The following NGFR variants were observed in gnomAD, a reference collection of about 807,000 sequenced individuals.
NGFR encodes tumor necrosis factor receptor superfamily member 16.
A neutral mutation model predicts 43.2 loss-of-function variants in NGFR; 30 were observed. The ratio of observed to expected loss-of-function variants is 0.69; its 90% CI spans 0.52 to 0.94. NGFR has a LOEUF of 0.94. Ranked by LOEUF, NGFR falls within the 40% of genes least tolerant of loss-of-function variation. NGFR has a pLI of 0.00. For synonymous variants in NGFR, 246 were observed against 259.6 expected, an observed-to-expected ratio of 0.95 and a Z score of 0.50; for missense variants, 529 against 602.5, an observed-to-expected ratio of 0.88 and a Z score of 1.28.
intron 3 of NGFR, among the ~76,000 whole-genome samples, chr17:49,509,282 C>G (rs1345675227): frequency 1.3e-5 from 2 of 152,136 alleles, no homozygotes; most frequent in Non-Finnish European, 2.9e-5. Flanking sequence ...CTTGGGTGGG[C>G]AAAGTGGGGG....
chr17:49,505,374 A>G (rs2071190685), intron 2 of NGFR, among the ~76,000 whole-genome samples: 1 of 151,940 alleles, frequency 6.6e-6, no homozygotes. Flanking sequence ...AGAGTTCCCC[A>G]CCCAAAGCTG....
In NGFR at chr17:49,506,634, C is replaced by G; in HGVS notation, c.544C>G (p.Arg182Gly). 1 of 1,380,322 alleles carries G rather than the reference C, an allele frequency of 7.2e-7. No individual in the cohort carries two copies. The highest frequency in any genetic ancestry group is 9.6e-7 in the Non-Finnish European group (1 of 1,038,380). The allele number at this position is 1,380,322 out of a possible 1,614,324, so 85.5% of individuals were successfully genotyped here. A position where few individuals can be genotyped will look rare whatever the true frequency, so the allele number is the denominator to read the frequency against. The change falls in exon 3 of 6, where the codon CGC (arginine) becomes GGC (glycine). Residue 182 changes from arginine (R) to glycine (G), a missense_variant. Transcript: ENST00000172229. Reference protein sequence around the residue: ...DTERQLRECTRWADAECEEIP... With the variant: ...DTERQLRECTGWADAECEEIP... Reference sequence around the variant, plus strand: ...CGAGCGCCAGCTCCGCGAGTGCACACGCTGGGCCGACGCCGAGTGCGAGGG... The same window carrying G: ...CGAGCGCCAGCTCCGCGAGTGCACAGGCTGGGCCGACGCCGAGTGCGAGGG...
intron 4 of NGFR, chr17:49,510,873 C>A (rs2071227760): frequency 1.7e-6 from 1 of 600,200 alleles, no homozygotes; most frequent in Non-Finnish European, 2.9e-6. Flanking sequence ...CTGTCCTCTC[C>A]TGCCCTGTCC....
In NGFR at chr17:49,510,567, G is replaced by A. The variant is rs777677789; in HGVS notation, c.724G>A (p.Val242Met). The stretch of plus-strand genomic sequence containing the variant: ...CACAGTGATGGGCAGCTCCCAGCCC[G>A]TGGTGACCCGAGGCACCACCGACAA... ...VTTVMGSSQP[V>M]VTRGTTDNLI... The change falls in exon 4 of 6, where the codon GTG becomes ATG. Residue 242 changes from valine to methionine, a missense_variant. By Grantham distance (21) the Val-to-Met change is conservative. Transcript: ENST00000172229. The A allele has an allele frequency of 5.6e-6, 9 of 1,613,996 alleles. No individual in the cohort carries two copies. Among genetic ancestry groups the A allele is most frequent in the South Asian group, 1.1e-5 (1 of 91,070 alleles).
chr17:49,502,871 T>TTCCTTCCTTCCTTC (rs1491582362), intron 2 of NGFR, among the ~76,000 whole-genome samples: 1 of 75,074 alleles, frequency 1.3e-5, no homozygotes, highest in Non-Finnish European at 3.0e-5. Context: ...TTCCTTCCTT[T>TTCCTTCCTTCCTTC]CTCTCTCTCT....
chr17:49,498,161 T>A (rs1256387621), intron 1 of NGFR, among the ~76,000 whole-genome samples: 1 of 152,086 alleles, frequency 6.6e-6, no homozygotes, highest in Non-Finnish European at 1.5e-5. Flanking sequence ...ATGCTTGGCC[T>A]GGGATGTTCT....
rs965949606 is a variant in NGFR at position 49,495,580 on chromosome 17, G to A, written c.66+97G>A. ...CCAAGGAAACAGAACAGAGCATTGGGGTCCCAGATACTGAGGGTGGGTGGT... is the reference window on the plus strand; with the variant it reads ...CCAAGGAAACAGAACAGAGCATTGGAGTCCCAGATACTGAGGGTGGGTGGT... On this transcript the variant is annotated intron_variant, in intron 1 of 5. Transcript: ENST00000172229. The surrounding 1 kb of genome is among the most constrained non-coding windows in gnomAD (Gnocchi z 6.4). 3.9e-6 allele frequency: 4 copies of A among 1,027,778 alleles called. No individual in the cohort carries two copies. Among genetic ancestry groups the A allele is most frequent in the Middle Eastern group, 2.2e-4 (1 of 4,514 alleles). The allele number at this position is 1,027,778 out of a possible 1,614,324, so 63.7% of individuals were successfully genotyped here. A position where few individuals can be genotyped will look rare whatever the true frequency, so the allele number is the denominator to read the frequency against.
At chr17:49,499,603 T>G (rs1452540267) in intron 1 of NGFR, among the ~76,000 whole-genome samples, 2 of 152,148 alleles carry the variant, frequency 1.3e-5, no homozygotes, top group Non-Finnish European at 2.9e-5. Context: ...ATTTATTTAT[T>G]TTGAGACGGA....
chr17:49,508,756 C>G (rs1043281606), intron 3 of NGFR, among the ~76,000 whole-genome samples: 8 of 152,204 alleles, frequency 5.3e-5, no homozygotes, highest in African/African-American at 1.4e-4. Context: ...CATCCCCCCG[C>G]CCCCGTCAGA....
chr17:49,510,496 C>T lies in NGFR; in HGVS notation c.653C>T (p.Pro218Leu). ...TAPSTQEPEA[P>L]PEQDLIASTV... is the part of the protein sequence containing the mutation. ...CCCAGCACCCAGGAGCCTGAGGCAC[C>T]TCCAGAACAAGACCTCATAGCCAGC... The change falls in exon 4 of 6, where the codon CCT (proline) becomes CTT (leucine). Residue 218 changes from proline to leucine, a missense_variant. Pro to Leu is a moderately conservative substitution (Grantham distance 98). Coordinates refer to ENST00000172229, the MANE Select transcript of NGFR (RefSeq NM_002507.4). 2 of 1,614,144 alleles carry T rather than the reference C, an allele frequency of 1.2e-6. No individual in the cohort carries two copies. Among genetic ancestry groups the T allele is most frequent in the Non-Finnish European group, 1.7e-6 (2 of 1,180,018 alleles).
intron 1 of NGFR, among the ~76,000 whole-genome samples, chr17:49,498,192 T>C (rs954816390): frequency 6.6e-6 from 1 of 151,970 alleles, no homozygotes; most frequent in Non-Finnish European, 1.5e-5. Flanking sequence ...TATGCCAGGC[T>C]CCCTCCCGCC....
At chr17:49,503,035 C>T (rs1037147194) in intron 2 of NGFR, among the ~76,000 whole-genome samples, 3 of 152,152 alleles carry the variant, frequency 2.0e-5, no homozygotes, top group Non-Finnish European at 2.9e-5. Flanking sequence ...CATGCCTCAG[C>T]CTCCTGAGTA....
intron 2 of NGFR, among the ~76,000 whole-genome samples, chr17:49,503,292 C>T (rs2071178171): frequency 6.6e-6 from 1 of 152,186 alleles, no homozygotes; most frequent in African/African-American, 2.4e-5. Context: ...CCCTTGGCCC[C>T]AGTCTTGTCC....
In NGFR at chr17:49,514,434, T is replaced by C. The variant is rs1194169039; in HGVS notation, c.*1425T>C. 1.3e-5 allele frequency: 2 copies of C among 152,402 alleles called. No homozygotes were observed. Among genetic ancestry groups the C allele is most frequent in the African/African-American group, 4.8e-5 (2 of 41,584 alleles). The allele number at this position is 152,402 out of a possible 1,614,324, so 9.4% of individuals were successfully genotyped here. ...TCTAGACAACCCTGCAAAGGACTGT[T>C]TTTTCCTGAGCTTGGCCAGAAGGGG... On this transcript the variant is annotated 3_prime_UTR_variant, in exon 6 of 6. Coordinates refer to ENST00000172229, the MANE Select transcript of NGFR (RefSeq NM_002507.4).
At position 49,495,316 on chromosome 17, in the gene NGFR, C is replaced by A; in HGVS notation, c.-102C>A. ...CCAGAGCGAGCCGAGCCGCGGCCAG[C>A]TCCGGCGGGCAGGGGGGGCGCTGGA... On this transcript the variant is annotated 5_prime_UTR_variant, in exon 1 of 6. Transcript: ENST00000172229. This position sits in a 1 kb window ranked among gnomAD's most constrained non-coding sequence, Gnocchi z 6.4. 1.0e-6 allele frequency: 1 copy of A among 990,060 alleles called. No homozygotes were observed. The highest frequency in any genetic ancestry group is 1.3e-6 in the Non-Finnish European group (1 of 769,218). 61.3% of individuals were successfully genotyped at this position (990,060 alleles called of 1,614,324 possible). A position where few individuals can be genotyped will look rare whatever the true frequency, so the allele number is the denominator to read the frequency against.
chr17:49,511,505 A>G (rs1597864453), intron 4 of NGFR, among the ~76,000 whole-genome samples: 1 of 147,102 alleles, frequency 6.8e-6, no homozygotes, highest in Non-Finnish European at 1.5e-5. Context: ...GCCAGTCCCC[A>G]TTGATGGACA....
At chr17:49,498,496 C>T (rs2071151134) in intron 1 of NGFR, among the ~76,000 whole-genome samples, 1 of 152,192 alleles carries the variant, frequency 6.6e-6, no homozygotes, top group South Asian at 2.1e-4. Context: ...ACCACGGCCC[C>T]ATTCACTTAA....
In NGFR at chr17:49,512,328, A is replaced by T. The variant is rs2071238843; in HGVS notation, c.982+276A>T. ...CTAATTATTGCCCAAAGTAGCTGCAATTAGCCTCTTGCCCTGGACTTCTGG... is the reference window on the plus strand; with the variant it reads ...CTAATTATTGCCCAAAGTAGCTGCATTTAGCCTCTTGCCCTGGACTTCTGG... On this transcript the variant is annotated intron_variant, in intron 5 of 5. Coordinates refer to ENST00000172229, the MANE Select transcript of NGFR (RefSeq NM_002507.4). This position sits in a 1 kb window ranked among gnomAD's most constrained non-coding sequence, Gnocchi z 5.2. Among the ~76,000 whole-genome samples, 1 of 152,190 alleles carries T rather than the reference A, an allele frequency of 6.6e-6. No homozygotes were observed. The highest frequency in any genetic ancestry group is 1.5e-5 in the Non-Finnish European group (1 of 68,036).
Position 49,514,702 on chromosome 17 carries a change from T to TCACCTGGG in NGFR, c.*1702_*1709dup, listed in dbSNP as rs1226916368. 6.6e-6 allele frequency: 1 copy of TCACCTGGG among 152,214 alleles called. No individual in the cohort carries two copies. Among genetic ancestry groups the TCACCTGGG allele is most frequent in the African/African-American group, 2.4e-5 (1 of 41,442 alleles). 9.4% of individuals were successfully genotyped at this position (152,214 alleles called of 1,614,324 possible). ...GGGAGGAAACTCACCTGCTGGCCCC[T>TCACCTGGG]CACCTGGGCACCTGGGGAGTGGGAC... is the stretch of plus-strand genomic sequence containing the variant. On this transcript the variant is annotated 3_prime_UTR_variant, in exon 6 of 6. Transcript: ENST00000172229.
Sources: allele counts gnomAD v4.1 joint callset (sites outside exome capture counted in the v4.1 genomes callset), GRCh38; gene constraint gnomAD v4.1.1; non-coding constraint Gnocchi (gnomAD v3.1); transcripts MANE v1.5; gene names NCBI Gene and HGNC (gene_info 2026-07-23, HGNC 2026-07-21).